The following TRAPPC11 variants were observed in gnomAD, a reference collection of about 807,000 sequenced individuals.
TRAPPC11 encodes the protein trafficking protein particle complex subunit 11.
TRAPPC11 carries 104 observed loss-of-function variants against 151.2 expected under a neutral mutation model. The ratio of observed to expected loss-of-function variants is 0.69; its 90% CI spans 0.59 to 0.81. The LOEUF is 0.81. Among genes scored for constraint, TRAPPC11 ranks in the 30% least tolerant of loss-of-function variants. TRAPPC11 has a pLI of 0.00. For synonymous variants in TRAPPC11, 456 were observed against 472.3 expected, an observed-to-expected ratio of 0.97 and a Z score of 0.45; for missense variants, 1,230 against 1,349.6, an observed-to-expected ratio of 0.91 and a Z score of 1.39.
At chr4:183,706,753 A>G in intron 27 of TRAPPC11, 54 bp from the exon 28 acceptor site, 2 of 1,575,774 alleles carry the variant, frequency 1.3e-6, no homozygotes, top group African/African-American at 1.4e-5. Flanking sequence ...AAACGAAGCC[A>G]TAAGTGGGGA....
chr4:183,689,771 TATTTC>T (rs1191174236), intron 18 of TRAPPC11, among the ~76,000 whole-genome samples: 3 of 134,696 alleles, frequency 2.2e-5, no homozygotes, highest in African/African-American at 8.4e-5. Flanking sequence ...AATAGCCTAC[TATTTC>T]ATTTCTTTTC....
At chr4:183,684,935 T>C in intron 15 of TRAPPC11, 94 bp downstream of exon 15, 1 of 1,329,096 alleles carries the variant, frequency 7.5e-7, no homozygotes, top group Non-Finnish European at 1.0e-6. Flanking sequence ...TAGTCCCAGA[T>C]AATTAGTATA....
At chr4:183,665,232 C>A (rs984451931) in intron 2 of TRAPPC11, among the ~76,000 whole-genome samples, 4 of 151,416 alleles carry the variant, frequency 2.6e-5, no homozygotes, top group Non-Finnish European at 4.4e-5. Flanking sequence ...GTGGCTGGGA[C>A]TACAGGCGCC....
Position 183,663,855 on chromosome 4 carries a change from T to G in TRAPPC11, c.-13T>G. 1 of 1,608,878 alleles carries G rather than the reference T, an allele frequency of 6.2e-7. No homozygotes were observed. ...TAACATTTGTATTTCAGGTTTTTTGTGACATCGTAAACATGAGCCCCACAC... is the reference window on the plus strand; with the variant it reads ...TAACATTTGTATTTCAGGTTTTTTGGGACATCGTAAACATGAGCCCCACAC... On this transcript the variant is annotated 5_prime_UTR_variant, in exon 2 of 30. Coordinates refer to ENST00000334690, the MANE Select transcript of TRAPPC11 (RefSeq NM_021942.6).
chr4:183,677,579 G>A (rs1735477145), intron 8 of TRAPPC11, 25 bp downstream of exon 8: 1 of 1,186,630 alleles, frequency 8.4e-7, no homozygotes. Context: ...TCCAAATACA[G>A]GGAATTTGTG....
intron 10 of TRAPPC11, among the ~76,000 whole-genome samples, chr4:183,681,453 G>C (rs1735684439): frequency 6.6e-6 from 1 of 152,150 alleles, no homozygotes; most frequent in Non-Finnish European, 1.5e-5. Flanking sequence ...AAGAATGTAA[G>C]GAACTGGGCA....
chr4:183,662,350 G>A (rs1454796390), intron 1 of TRAPPC11, among the ~76,000 whole-genome samples: 79 of 80,202 alleles, frequency 9.9e-4, no homozygotes, highest in Admixed American at 6.0e-4. Flanking sequence ...GTGATACTCC[G>A]TCTCAAAAAA....
chr4:183,691,577 A>G, intron 19 of TRAPPC11, 106 bp downstream of exon 19: 1 of 658,506 alleles, frequency 1.5e-6, no homozygotes, highest in Non-Finnish European at 2.2e-6. Context: ...AAAATCTGCT[A>G]CTTGGACTTC....
At position 183,693,710 on chromosome 4, in the gene TRAPPC11, G is replaced by A. The variant is rs148885349; in HGVS notation, c.2359G>A (p.Val787Met). 6.2e-7 allele frequency: 1 copy of A among 1,613,990 alleles called. No individual in the cohort carries two copies. The highest frequency in any genetic ancestry group is 8.5e-7 in the Non-Finnish European group (1 of 1,180,014). Residue 787 changes from valine to methionine, a missense_variant, in exon 21 of 30, where the codon GTG becomes ATG. Coordinates refer to ENST00000334690, the MANE Select transcript of TRAPPC11 (RefSeq NM_021942.6). ...QSHEKTQIRD[V>M]KLTAGLKPGQ... ...CCATGAAAAGACCCAAATCAGAGAT[G>A]TGAAGCTCACCGCTGGCTTAAAACC... is the stretch of plus-strand genomic sequence containing the variant.
Position 183,691,360 on chromosome 4 carries a change from TG to T in TRAPPC11, c.1939del (p.Glu647LysfsTer3). The T allele has an allele frequency of 6.4e-7, 1 of 1,557,782 alleles. No homozygotes were observed. Among genetic ancestry groups the T allele is most frequent in the Non-Finnish European group, 8.7e-7 (1 of 1,144,908 alleles). ...TAATAGAAGAAGCATCCAAAGCAAA[TG>T]AAGTTTTAGAAAATCTGACTCAAGG... Reference protein sequence around the residue: ...CVIEEASKANEVLENLTQGKM... With the variant: ...CVIEEASKANXVLENLTQGKM... On this transcript the variant is annotated frameshift_variant, in exon 19 of 30. Transcript: ENST00000334690. LOFTEE classifies it high-confidence loss of function.
Position 183,677,498 on chromosome 4 carries a change from G to A in TRAPPC11, c.775G>A (p.Ala259Thr), listed in dbSNP as rs1735472378. 6.2e-7 allele frequency: 1 copy of A among 1,609,298 alleles called. No individual in the cohort carries two copies. The highest frequency in any genetic ancestry group is 8.5e-7 in the Non-Finnish European group (1 of 1,176,020). Residue 259 changes from alanine (A) to threonine (T), a missense_variant, in exon 8 of 30, where the codon GCC becomes ACC. Coordinates refer to ENST00000334690, the MANE Select transcript of TRAPPC11 (RefSeq NM_021942.6). ...TAYNLVHELR[A>T]HETNILEIKT... The stretch of plus-strand genomic sequence containing the variant: ...CTATAATCTTGTACACGAATTGAGA[G>A]CCCATGAAACTAATATTCTGGAAAT...
intron 23 of TRAPPC11, 28 bp downstream of exon 23, chr4:183,694,751 C>T: frequency 6.3e-7 from 1 of 1,596,592 alleles, no homozygotes; most frequent in South Asian, 1.2e-5. Context: ...CTTTATAAAG[C>T]ATCATATGTG....
intron 23 of TRAPPC11, among the ~76,000 whole-genome samples, chr4:183,697,165 A>G (rs1261806695): frequency 1.3e-5 from 2 of 152,060 alleles, no homozygotes; most frequent in Non-Finnish European, 2.9e-5. Context: ...CTCTAAAACC[A>G]TAAAATACGG....
intron 2 of TRAPPC11, 78 bp from the exon 3 acceptor site, chr4:183,666,179 C>A: frequency 7.3e-7 from 1 of 1,373,582 alleles, no homozygotes; most frequent in Non-Finnish European, 1.0e-6. Flanking sequence ...GATCAATGCA[C>A]ATAAAGTGCT....
intron 17 of TRAPPC11, 80 bp downstream of exon 17, chr4:183,685,483 A>G: frequency 6.8e-7 from 1 of 1,470,850 alleles, no homozygotes; most frequent in Non-Finnish European, 9.3e-7. Flanking sequence ...AATAATAAAT[A>G]TAAAAGTCAA....
At chr4:183,673,548 C>A (rs1177952751) in intron 5 of TRAPPC11, among the ~76,000 whole-genome samples, 1 of 151,950 alleles carries the variant, frequency 6.6e-6, no homozygotes, top group African/African-American at 2.4e-5. Flanking sequence ...GTCATGTATG[C>A]ATGTAGTTCC....
chr4:183,659,934 T>A (rs2111267094), intron 1 of TRAPPC11, among the ~76,000 whole-genome samples: 1 of 152,274 alleles, frequency 6.6e-6, no homozygotes, highest in Non-Finnish European at 1.5e-5. Context: ...GGGGTTTTTT[T>A]AGTTGCCAAT....
intron 8 of TRAPPC11, 102 bp from the exon 9 acceptor site, chr4:183,679,251 C>A: frequency 8.4e-7 from 1 of 1,183,848 alleles, no homozygotes; most frequent in Non-Finnish European, 1.1e-6. Context: ...AAGGAAATTT[C>A]ATTGTCTTTT....
intron 27 of TRAPPC11, among the ~76,000 whole-genome samples, chr4:183,705,671 C>T (rs952288347): frequency 3.3e-5 from 5 of 152,136 alleles, no homozygotes; most frequent in Non-Finnish European, 7.3e-5. Flanking sequence ...TAGAGTTTCC[C>T]ACAACCTGGA....
Sources: gnomAD v4.1 joint callset for allele counts (sites outside exome capture counted in the v4.1 genomes callset) on GRCh38, gnomAD v4.1.1 for gene constraint, MANE v1.5 for transcripts, NCBI Gene and HGNC (gene_info 2026-07-23, HGNC 2026-07-21) for gene names.